The following GRIA4 variants were observed in gnomAD, a reference collection of about 807,000 sequenced individuals.
The protein encoded by GRIA4 is glutamate receptor 4.
A neutral mutation model predicts 104.0 loss-of-function variants in GRIA4; 34 were observed. The observed-to-expected ratio is 0.33, with a 90% CI of 0.25 to 0.44. The LOEUF (loss-of-function observed/expected upper bound fraction) is 0.44, where lower values mean the gene tolerates loss of function less well. Ranked by LOEUF, GRIA4 falls within the 20% of genes least tolerant of loss-of-function variation. The pLI is 1.00. For synonymous variants in GRIA4, 386 were observed against 381.9 expected, an observed-to-expected ratio of 1.01 and a Z score of -0.13; for missense variants, 750 against 1,096.5, an observed-to-expected ratio of 0.68 and a Z score of 4.46.
At chr11:105,734,621 G>A (rs1938816639) in intron 3 of GRIA4, among the ~76,000 whole-genome samples, 1 of 152,056 alleles carries the variant, frequency 6.6e-6, no homozygotes, top group African/African-American at 2.4e-5. Flanking sequence ...CCAAGACTTG[G>A]TTTATTACTT....
intron 3 of GRIA4, among the ~76,000 whole-genome samples, chr11:105,661,668 A>T (rs1396366893): frequency 8.4e-6 from 1 of 119,584 alleles, no homozygotes; most frequent in Non-Finnish European, 1.8e-5. Context: ...CTTTGTTTTT[A>T]AATAGTCCAA....
intron 3 of GRIA4, among the ~76,000 whole-genome samples, chr11:105,705,640 C>T (rs1591108970): frequency 6.6e-6 from 1 of 152,084 alleles, no homozygotes; most frequent in East Asian, 1.9e-4. Context: ...TACTCGAGTA[C>T]ATCCGGTCCC....
At chr11:105,827,114 G>T (rs1285153344) in intron 4 of GRIA4, among the ~76,000 whole-genome samples, 1 of 151,914 alleles carries the variant, frequency 6.6e-6, no homozygotes, top group Admixed American at 6.6e-5. Flanking sequence ...AACTGTGATG[G>T]ATCTCAGACT....
At chr11:105,672,089 C>T (rs1328751766) in intron 3 of GRIA4, among the ~76,000 whole-genome samples, 1 of 152,056 alleles carries the variant, frequency 6.6e-6, no homozygotes, top group East Asian at 1.9e-4. Context: ...TAAAAACTGA[C>T]ATTTTGTATG....
At position 105,776,557 on chromosome 11, in the gene GRIA4, T is replaced by C. The variant is rs187699386; in HGVS notation, c.487+23337T>C. 4.6e-5 allele frequency among the ~76,000 whole-genome samples: 7 copies of C among 152,334 alleles called. No individual in the cohort carries two copies. In the East Asian group the frequency reaches 1.2e-3, roughly 25 times the overall value. ...ACATTGGATTATTACAGAAATCAAG[T>C]GAGATAATTCATGTAAACTGTTTAG... On this transcript the variant is annotated intron_variant, in intron 4 of 16. Transcript: ENST00000282499.
Position 105,862,201 on chromosome 11 carries a change from T to C in GRIA4, c.665T>C (p.Leu222Ser). 1.3e-6 allele frequency: 2 copies of C among 1,557,580 alleles called. No homozygotes were observed. Among genetic ancestry groups the C allele is most frequent in the Non-Finnish European group, 1.8e-6 (2 of 1,129,042 alleles). The change falls in exon 5 of 17, where the codon TTA becomes TCA. Residue 222 changes from leucine to serine, a missense_variant. Leu to Ser is a moderately radical substitution (Grantham distance 145, BLOSUM62 -2). Around this residue, in one of 3 missense-constraint regions of GRIA4, gnomAD observed 410 missense variants for 502.7 expected, o/e 0.82. Coordinates refer to ENST00000282499, the MANE Select transcript of GRIA4 (RefSeq NM_000829.4). ...DCEIERLQNI[L>S]EQIVSVGKHV... Reference sequence around the variant, plus strand: ...GAGATAGAGAGACTTCAAAACATATTAGAACAGGTAAGTCCTAGATTTTAT... The same window carrying C: ...GAGATAGAGAGACTTCAAAACATATCAGAACAGGTAAGTCCTAGATTTTAT...
intron 3 of GRIA4, among the ~76,000 whole-genome samples, chr11:105,654,446 AT>A (rs2135392665): frequency 6.6e-6 from 1 of 152,278 alleles, no homozygotes; most frequent in African/African-American, 2.4e-5. Context: ...TAACTTAAAA[AT>A]AATCGTAAGA....
In GRIA4 at chr11:105,974,437, G is replaced by A. The variant is rs769276434; in HGVS notation, c.2537G>A (p.Arg846Lys). Residue 846 changes from arginine (R) to lysine (K), a missense_variant, in exon 16 of 17, where the codon AGA becomes AAA. Transcript: ENST00000282499. ...TACAAGTCCAGGGCAGAAGCGAAGAGAATGAAGGTGGCAAAGAGTGCACAG... is the reference window on the plus strand; with the variant it reads ...TACAAGTCCAGGGCAGAAGCGAAGAAAATGAAGGTGGCAAAGAGTGCACAG... ...FCYKSRAEAKRMKLTFSEAIR... is the reference protein window; with the variant it reads ...FCYKSRAEAKKMKLTFSEAIR... The A allele has an allele frequency of 6.8e-6, 11 of 1,614,006 alleles. No individual in the cohort carries two copies. The highest frequency in any genetic ancestry group is 5.5e-5 in the South Asian group (5 of 91,074).
chr11:105,835,423 T>C (rs1237594353), intron 4 of GRIA4, among the ~76,000 whole-genome samples: 3 of 152,190 alleles, frequency 2.0e-5, no homozygotes, highest in East Asian at 3.9e-4. Flanking sequence ...TACCATACCA[T>C]GGTTTTCTTT....
At chr11:105,852,766 T>TAACGGTAGAATAAATTAA (rs763218011) in intron 4 of GRIA4, among the ~76,000 whole-genome samples, 2 of 150,638 alleles carry the variant, frequency 1.3e-5, no homozygotes, top group African/African-American at 4.9e-5. Flanking sequence ...TCATCCTGTG[T>TAACGGTAGAATAAATTAA]TTTTTCCTGC....
In GRIA4 at chr11:105,783,744, T is replaced by TTGTGTGTGTG. The variant is rs56222983; in HGVS notation, c.487+30558_487+30567dup. On this transcript the variant is annotated intron_variant, in intron 4 of 16. Coordinates refer to ENST00000282499, the MANE Select transcript of GRIA4 (RefSeq NM_000829.4). ...AGATAAAACAGATTCTGGATGTTAT[T>TTGTGTGTGTG]TGTGTGTGTGTGTGTGTGTGTGTGT... Among the ~76,000 whole-genome samples, 1,346 of 145,412 alleles carry TTGTGTGTGTG rather than the reference T, an allele frequency of 9.3e-3. 6 individuals carry two copies. Among genetic ancestry groups the TTGTGTGTGTG allele is most frequent in the East Asian group, 0.037 (177 of 4,846 alleles).
At chr11:105,731,229 C>A (rs759244609) in intron 3 of GRIA4, among the ~76,000 whole-genome samples, 2 of 152,154 alleles carry the variant, frequency 1.3e-5, no homozygotes, top group Non-Finnish European at 2.9e-5. Context: ...TATGAACATA[C>A]GCTTTTCAAA....
At chr11:105,806,485 TC>T (rs747077324) in intron 4 of GRIA4, among the ~76,000 whole-genome samples, 17 of 151,822 alleles carry the variant, frequency 1.1e-4, no homozygotes, top group Non-Finnish European at 1.9e-4. Flanking sequence ...AAACTCAAAC[TC>T]CCCATTTCTT....
At chr11:105,615,584 G>A (rs528506340) in intron 3 of GRIA4, among the ~76,000 whole-genome samples, 2 of 151,582 alleles carry the variant, frequency 1.3e-5, no homozygotes, top group Non-Finnish European at 3.0e-5. Context: ...TTTTTGTGAG[G>A]TATCCAAAAT....
chr11:105,909,516 A>G (rs949551549), intron 9 of GRIA4, among the ~76,000 whole-genome samples: 7 of 152,174 alleles, frequency 4.6e-5, no homozygotes, highest in African/African-American at 1.7e-4. Flanking sequence ...AACTTTGTGT[A>G]ATTTATTTAG....
At chr11:105,859,252 T>C (rs769689950) in intron 4 of GRIA4, among the ~76,000 whole-genome samples, 1 of 152,144 alleles carries the variant, frequency 6.6e-6, no homozygotes, top group African/African-American at 2.4e-5. Context: ...TAAAAGAGTA[T>C]GATTTTAGCC....
At chr11:105,951,076 A>G (rs1032384518) in intron 14 of GRIA4, among the ~76,000 whole-genome samples, 2 of 152,200 alleles carry the variant, frequency 1.3e-5, no homozygotes, top group African/African-American at 4.8e-5. Context: ...ATTTTGATTC[A>G]AAAATTCTGG....
chr11:105,898,189 G>T, intron 6 of GRIA4, 80 bp from the exon 7 acceptor site: 2 of 670,806 alleles, frequency 3.0e-6, no homozygotes, highest in South Asian at 4.4e-5. Flanking sequence ...ATATGTATAG[G>T]TTATTAATTT....
In GRIA4 at chr11:105,667,786, A is replaced by G. The variant is rs1027162839; in HGVS notation, c.247+55352A>G. 1.4e-4 allele frequency among the ~76,000 whole-genome samples: 21 copies of G among 152,066 alleles called. 1 individual carries two copies. The highest frequency in any genetic ancestry group is 3.6e-4 in the African/African-American group (15 of 41,436). ...TGAAATGATCATGGCAATTAAGCTA[A>G]TTAACATATCTTTTATTTCTCATAG... On this transcript the variant is annotated intron_variant, in intron 3 of 16. Transcript: ENST00000282499.
Sources: gnomAD v4.1 joint callset for allele counts (sites outside exome capture counted in the v4.1 genomes callset) on GRCh38, gnomAD v4.1.1 for gene constraint, gnomAD v4.1.1 regional missense constraint, MANE v1.5 for transcripts, NCBI Gene and HGNC (gene_info 2026-07-23, HGNC 2026-07-21) for gene names.